OPCML: variants seen among roughly 807,000 people sequenced by gnomAD.
The protein encoded by OPCML is opioid binding protein/cell adhesion molecule like.
Under a neutral mutation model 37.8 loss-of-function variants are expected in OPCML, and 13 were observed. The observed-to-expected ratio is 0.34, with a 90% confidence interval of 0.22 to 0.55. OPCML has a LOEUF of 0.55. Among genes scored for constraint, OPCML ranks in the 20% least tolerant of loss-of-function variants. OPCML has a pLI of 0.91. For missense variants in OPCML, 341 were observed against 435.6 expected (o/e 0.78, Z 1.93); for synonymous variants, 176 against 168.8 (o/e 1.04, Z -0.33).
intron 1 of OPCML, among the ~76,000 whole-genome samples, chr11:133,327,148 A>C (rs1269076445): frequency 1.2e-5 from 1 of 86,124 alleles, no homozygotes; most frequent in Non-Finnish European, 2.2e-5. Context: ...GAGTGTGTGT[A>C]TGTGGGTGTG....
chr11:132,482,040 G>C (rs2096182388), intron 4 of OPCML, among the ~76,000 whole-genome samples: 1 of 150,282 alleles, frequency 6.7e-6, no homozygotes, highest in Non-Finnish European at 1.5e-5. Flanking sequence ...ACATTCAAAA[G>C]CTAACAGAAG....
chr11:133,174,731 T>A lies in OPCML; in HGVS notation c.62-231721A>T, dbSNP rs1336389656. ...CCTGAAAAATAAATTTATGTTTGCC[T>A]ATCTATATTTTCATCTCTCTGACTG... On this transcript the variant is annotated intron_variant, in intron 1 of 7. Transcript: ENST00000524381. This position sits in a 1 kb window ranked among gnomAD's most constrained non-coding sequence, Gnocchi z 4.6. Among the ~76,000 whole-genome samples the A allele has an allele frequency of 6.6e-6, 1 of 151,624 alleles. No homozygotes were observed. The highest frequency in any genetic ancestry group is 1.5e-5 in the Non-Finnish European group (1 of 68,020).
At chr11:132,622,228 C>A (rs972203755) in intron 3 of OPCML, among the ~76,000 whole-genome samples, 1 of 151,778 alleles carries the variant, frequency 6.6e-6, no homozygotes, top group Non-Finnish European at 1.5e-5. Flanking sequence ...TCAAGTCCGT[C>A]AAGTGACAAG....
intron 1 of OPCML, among the ~76,000 whole-genome samples, chr11:133,350,573 T>C (rs1377255527): frequency 1.3e-5 from 2 of 152,104 alleles, no homozygotes; most frequent in African/African-American, 4.8e-5. Context: ...AGTTTAGAGA[T>C]CCCAAATGGG....
chr11:132,857,611 A>C (rs1351330657), intron 2 of OPCML, among the ~76,000 whole-genome samples: 1 of 152,202 alleles, frequency 6.6e-6, no homozygotes, highest in African/African-American at 2.4e-5. Context: ...TAACTGATTA[A>C]ATGTAAAACC....
chr11:132,838,360 T>G (rs575889271), intron 2 of OPCML, among the ~76,000 whole-genome samples: 1 of 151,682 alleles, frequency 6.6e-6, no homozygotes, highest in Non-Finnish European at 1.5e-5. Flanking sequence ...CTAAAGGGAG[T>G]AAGGGTTGAC....
In OPCML at chr11:133,345,730, G is replaced by A. The variant is rs925338764; in HGVS notation, c.61+186534C>T. Among the ~76,000 whole-genome samples the A allele has an allele frequency of 2.0e-5, 3 of 152,200 alleles. No individual in the cohort carries two copies. The South Asian group carries it at 6.2e-4, about 32-fold the overall frequency. On this transcript the variant is annotated intron_variant, in intron 1 of 7. Transcript: ENST00000524381. ...AAATTTAATCGATCTTCAGATCCGT[G>A]AAGAAAGAGCTCTTCTGGTTCTTCT...
intron 2 of OPCML, among the ~76,000 whole-genome samples, chr11:132,682,146 C>G (rs1190744856): frequency 2.0e-5 from 3 of 152,102 alleles, no homozygotes; most frequent in African/African-American, 4.8e-5. Context: ...AAGCGCTCAC[C>G]CACGCTCCTG....
intron 1 of OPCML, among the ~76,000 whole-genome samples, chr11:133,094,678 A>G (rs1948969746): frequency 6.6e-6 from 1 of 152,188 alleles, no homozygotes; most frequent in Admixed American, 6.5e-5. Flanking sequence ...GTTTATTCAA[A>G]TAGCAAGAGA....
chr11:133,343,507 C>T (rs1487820096), intron 1 of OPCML, among the ~76,000 whole-genome samples: 2 of 152,168 alleles, frequency 1.3e-5, no homozygotes, highest in African/African-American at 2.4e-5. Context: ...GATAGAACCA[C>T]ACAATTTGAC....
At chr11:132,576,376 T>C (rs1045703222) in intron 3 of OPCML, among the ~76,000 whole-genome samples, 3 of 152,080 alleles carry the variant, frequency 2.0e-5, no homozygotes, top group Non-Finnish European at 4.4e-5. Flanking sequence ...TGTCTTAGCA[T>C]TTGCAAATCC....
At chr11:133,304,949 A>G (rs56689640) in intron 1 of OPCML, among the ~76,000 whole-genome samples, 7,388 of 152,260 alleles carry the variant, frequency 0.049, 202 homozygotes, top group Middle Eastern at 0.071. Flanking sequence ...TAAGTGTAAA[A>G]AGACCCACCT....
chr11:132,647,349 C>A (rs192276539), intron 3 of OPCML, among the ~76,000 whole-genome samples: 1 of 152,098 alleles, frequency 6.6e-6, no homozygotes, highest in Non-Finnish European at 1.5e-5. Context: ...ATAAGATGAC[C>A]GCCACCCCAC....
chr11:132,971,955 A>G (rs1946351844), intron 1 of OPCML, among the ~76,000 whole-genome samples: 1 of 152,194 alleles, frequency 6.6e-6, no homozygotes, highest in Non-Finnish European at 1.5e-5. Flanking sequence ...TGCTGCCGTT[A>G]TCCTCTTGGC....
intron 2 of OPCML, among the ~76,000 whole-genome samples, chr11:132,771,251 T>G (rs1741811542): frequency 6.6e-6 from 1 of 152,218 alleles, no homozygotes. Context: ...TGCTTTGATA[T>G]CTATACAATG....
chr11:133,111,075 C>G (rs1333720196), intron 1 of OPCML, among the ~76,000 whole-genome samples: 1 of 152,160 alleles, frequency 6.6e-6, no homozygotes, highest in Non-Finnish European at 1.5e-5. Flanking sequence ...TGAGGTGTTT[C>G]TGGGTCAAAG....
At chr11:133,325,988 G>A (rs923918104) in intron 1 of OPCML, among the ~76,000 whole-genome samples, 3 of 152,134 alleles carry the variant, frequency 2.0e-5, no homozygotes, top group African/African-American at 7.2e-5. Context: ...CTGAAGCTGT[G>A]CACTCCCACT....
intron 2 of OPCML, among the ~76,000 whole-genome samples, chr11:132,677,736 T>C (rs1942770804): frequency 6.6e-6 from 1 of 152,112 alleles, no homozygotes; most frequent in African/African-American, 2.4e-5. Context: ...TAGACACAGA[T>C]CTTACACTTG....
intron 1 of OPCML, among the ~76,000 whole-genome samples, chr11:133,410,039 C>T (rs1945610726): frequency 6.6e-6 from 1 of 152,076 alleles, no homozygotes; most frequent in African/African-American, 2.4e-5. Context: ...GACAGGACAA[C>T]ATATGCAAAG....
Sources: gnomAD v4.1 joint callset for allele counts (sites outside exome capture counted in the v4.1 genomes callset) on GRCh38, gnomAD v4.1.1 for gene constraint, Gnocchi (gnomAD v3.1) non-coding constraint, MANE v1.5 for transcripts, NCBI Gene and HGNC (gene_info 2026-07-23, HGNC 2026-07-21) for gene names.